ZFP91: variants seen among roughly 807,000 people sequenced by gnomAD.
ZFP91 encodes the protein ZFP91 zinc finger protein, atypical E3 ubiquitin ligase, also known as E3 ubiquitin-protein ligase ZFP91.
In ZFP91, 7 loss-of-function variants were observed where a neutral mutation model predicts 63.5. That is an observed-to-expected ratio of 0.11 (90% CI 0.06 to 0.21). The LOEUF (loss-of-function observed/expected upper bound fraction) is 0.21, where lower values mean the gene tolerates loss of function less well. Ranked by LOEUF, ZFP91 falls within the 10% of genes least tolerant of loss-of-function variation. The probability of loss-of-function intolerance (pLI) is 1.00; values close to 1 mark genes in which losing one functional copy is unlikely to be tolerated. For synonymous variants in ZFP91, 330 were observed against 272.1 expected, an observed-to-expected ratio of 1.21 and a Z score of -2.10; for missense variants, 628 against 736.6, an observed-to-expected ratio of 0.85 and a Z score of 1.71.
At chr11:58,588,126 A>G (rs980921928) in intron 2 of ZFP91, among the ~76,000 whole-genome samples, 2 of 152,152 alleles carry the variant, frequency 1.3e-5, no homozygotes, top group African/African-American at 2.4e-5. Flanking sequence ...CAGAAAACAT[A>G]CTTGGAAATA....
intron 2 of ZFP91, among the ~76,000 whole-genome samples, chr11:58,593,822 CA>C (rs1855349822): frequency 6.6e-6 from 1 of 152,158 alleles, no homozygotes; most frequent in African/African-American, 2.4e-5. Flanking sequence ...ATCATCAGTC[CA>C]ATTGTTCAAG....
intron 1 of ZFP91, among the ~76,000 whole-genome samples, chr11:58,580,591 C>A (rs1050202122): frequency 2.0e-5 from 3 of 152,168 alleles, no homozygotes; most frequent in Non-Finnish European, 2.9e-5. Flanking sequence ...TGTTCCCTTT[C>A]TTCCAGTAGA....
chr11:58,585,722 A>G (rs887811430), intron 2 of ZFP91, among the ~76,000 whole-genome samples: 5 of 152,198 alleles, frequency 3.3e-5, no homozygotes, highest in East Asian at 1.9e-4. Flanking sequence ...TGCATTTTAT[A>G]TATCAGTGTA....
chr11:58,598,789 T>C (rs1332987043), intron 2 of ZFP91, among the ~76,000 whole-genome samples: 1 of 150,080 alleles, frequency 6.7e-6, no homozygotes, highest in East Asian at 1.9e-4. Context: ...TGTGTGTGTT[T>C]TGAGGTGAAA....
chr11:58,579,063 GTGGCGCGC>G lies in ZFP91; in HGVS notation c.-218_-211del. ...TTTCCGATTGGCCCGCTGAGCGTCT[GTGGCGCGC>G]GCGCGCGCGCCGCCAGCGGTAGCGG... is the stretch of plus-strand genomic sequence containing the variant. On this transcript the variant is annotated 5_prime_UTR_variant, in exon 1 of 11. Coordinates refer to ENST00000316059, the MANE Select transcript of ZFP91 (RefSeq NM_053023.5). 1 of 362,538 alleles carries G rather than the reference GTGGCGCGC, an allele frequency of 2.8e-6. No individual in the cohort carries two copies. 22.5% of individuals were successfully genotyped at this position (362,538 alleles called of 1,614,324 possible).
Position 58,617,569 on chromosome 11 carries a change from G to A in ZFP91, c.1576G>A (p.Val526Met). The change falls in exon 11 of 11, where the codon GTG becomes ATG. Residue 526 changes from valine (V) to methionine (M), a missense_variant. Transcript: ENST00000316059. This position sits in a 1 kb window ranked among gnomAD's most constrained non-coding sequence, Gnocchi z 4.2. The stretch of plus-strand genomic sequence containing the variant: ...GTCATACTGCAGTGGGACGGAACGG[G>A]TGAGCCTGATGGCTGATGGGAAGAT... ...SKSYCSGTER[V>M]SLMADGKIFV... The A allele has an allele frequency of 6.2e-7, 1 of 1,612,374 alleles. No homozygotes were observed. Among genetic ancestry groups the A allele is most frequent in the Non-Finnish European group, 8.5e-7 (1 of 1,179,292 alleles).
Position 58,612,830 on chromosome 11 carries a change from G to A in ZFP91, c.977G>A (p.Arg326His), listed in dbSNP as rs1855688958. 6.2e-7 allele frequency: 1 copy of A among 1,611,732 alleles called. No homozygotes were observed. The highest frequency in any genetic ancestry group is 8.5e-7 in the Non-Finnish European group (1 of 1,178,984). The change falls in exon 8 of 11, where the codon CGC becomes CAC. Residue 326 changes from arginine (R) to histidine (H), a missense_variant. Coordinates refer to ENST00000316059, the MANE Select transcript of ZFP91 (RefSeq NM_053023.5). Reference protein sequence around the residue: ...EGCGTVLAHPRYLQHHIKYQH... With the variant: ...EGCGTVLAHPHYLQHHIKYQH... ...TGTGGAACTGTCCTTGCCCATCCTCGCTATTTGCAGGTCAGTGAAGTTGTT... is the reference window on the plus strand; with the variant it reads ...TGTGGAACTGTCCTTGCCCATCCTCACTATTTGCAGGTCAGTGAAGTTGTT...
At chr11:58,591,443 G>A (rs1855304328) in intron 2 of ZFP91, among the ~76,000 whole-genome samples, 1 of 151,780 alleles carries the variant, frequency 6.6e-6, no homozygotes. Context: ...TAGTGTTATT[G>A]GGATGTAATT....
intron 1 of ZFP91, among the ~76,000 whole-genome samples, 198 bp downstream of exon 1, chr11:58,579,820 C>T (rs1855071989): frequency 6.6e-6 from 1 of 152,126 alleles, no homozygotes; most frequent in African/African-American, 2.4e-5. Context: ...CCTGTACCTT[C>T]GCTTGTCGGG....
chr11:58,617,470 C>T lies in ZFP91; in HGVS notation c.1477C>T (p.Pro493Ser), dbSNP rs1221533060. Reference sequence around the variant, plus strand: ...GCAGCCTTCAGATGGTCAGGGTCTTCCTCTTCTTCCTGAGCCCTTGGGAAA... The same window carrying T: ...GCAGCCTTCAGATGGTCAGGGTCTTTCTCTTCTTCCTGAGCCCTTGGGAAA... ...LTQPSDGQGL[P>S]LLPEPLGNST... Residue 493 changes from proline (P) to serine (S), a missense_variant, in exon 11 of 11, where the codon CCT becomes TCT. Around this residue, in one of 3 missense-constraint regions of ZFP91, gnomAD observed 115 missense variants for 125.4 expected, o/e 0.92. Coordinates refer to ENST00000316059, the MANE Select transcript of ZFP91 (RefSeq NM_053023.5). The surrounding 1 kb of genome is among the most constrained non-coding windows in gnomAD (Gnocchi z 4.2). 1 of 1,614,156 alleles carries T rather than the reference C, an allele frequency of 6.2e-7. No homozygotes were observed.
In ZFP91 at chr11:58,579,461, TGCGGCCGCC is replaced by T. The variant is rs1408027075; in HGVS notation, c.183_191del (p.Ala65_Ala67del). 3.0e-5 allele frequency: 43 copies of T among 1,439,978 alleles called. No homozygotes were observed. The East Asian group carries it at 1.3e-3, about 43-fold the overall frequency. The allele number at this position is 1,439,978 out of a possible 1,614,324, so 89.2% of individuals were successfully genotyped here. A position where few individuals can be genotyped will look rare whatever the true frequency, so the allele number is the denominator to read the frequency against. On this transcript the variant is annotated inframe_deletion, in exon 1 of 11. Transcript: ENST00000316059. ...GAGGTCGGGACCGAGGCCGGGCCGC[TGCGGCCGCC>T]GCCGCCGCAGCTGTGTCCCGCCGGA...
At chr11:58,595,926 A>G (rs557241809) in intron 2 of ZFP91, among the ~76,000 whole-genome samples, 3 of 152,186 alleles carry the variant, frequency 2.0e-5, no homozygotes, top group South Asian at 4.2e-4. Flanking sequence ...CTCTTACTTC[A>G]TACCTTCTTT....
intron 2 of ZFP91, among the ~76,000 whole-genome samples, chr11:58,590,657 C>T (rs1855288713): frequency 6.6e-6 from 1 of 152,180 alleles, no homozygotes; most frequent in South Asian, 2.1e-4. Flanking sequence ...TTTAATTTTA[C>T]TCAGCAATGT....
chr11:58,610,004 G>A lies in ZFP91; in HGVS notation c.545G>A (p.Cys182Tyr). 1 of 1,614,184 alleles carries A rather than the reference G, an allele frequency of 6.2e-7. No individual in the cohort carries two copies. Among genetic ancestry groups the A allele is most frequent in the East Asian group, 2.2e-5 (1 of 44,878 alleles). The change falls in exon 3 of 11, where the codon TGC becomes TAC. Residue 182 changes from cysteine to tyrosine, a missense_variant. Around this residue, in one of 3 missense-constraint regions of ZFP91, gnomAD observed 437 missense variants for 380.3 expected, o/e 1.15. Transcript: ENST00000316059. ...AAGACCGGTTCATTGCAGCTCATTTGCAAGTCAGAACCAAATACAGACCAA... is the reference window on the plus strand; with the variant it reads ...AAGACCGGTTCATTGCAGCTCATTTACAAGTCAGAACCAAATACAGACCAA... ...RSKTGSLQLI[C>Y]KSEPNTDQLD...
chr11:58,617,373 A>G lies in ZFP91; in HGVS notation c.1380A>G (p.Glu460=), dbSNP rs1249209867. The change falls in exon 11 of 11, where the codon GAA becomes GAG. Residue 460 remains glutamate, a synonymous_variant. Coordinates refer to ENST00000316059, the MANE Select transcript of ZFP91 (RefSeq NM_053023.5). The surrounding 1 kb of genome is among the most constrained non-coding windows in gnomAD (Gnocchi z 4.2). The stretch of plus-strand genomic sequence containing the variant: ...GCCACCCTGAGGTGCTGATTGCAGA[A>G]GCTCTGGCTGCCAATGCAGGCGCCC... ...AKSHPEVLIA[E]ALAANAGALI... is the part of the protein sequence containing the mutation. The G allele has an allele frequency of 6.2e-7, 1 of 1,613,852 alleles. No homozygotes were observed. The highest frequency in any genetic ancestry group is 1.1e-5 in the South Asian group (1 of 91,026).
chr11:58,586,166 G>A (rs529854679), intron 2 of ZFP91, among the ~76,000 whole-genome samples: 1 of 152,248 alleles, frequency 6.6e-6, no homozygotes, highest in Non-Finnish European at 1.5e-5. Flanking sequence ...ATAGAGACAG[G>A]TAACAAGTCT....
At chr11:58,614,457 G>A (rs954272021) in intron 9 of ZFP91, 114 bp downstream of exon 9, 21 of 716,330 alleles carry the variant, frequency 2.9e-5, no homozygotes, top group East Asian at 9.1e-5. Context: ...AGTCAAGTGC[G>A]GGGAAAAGGT....
intron 2 of ZFP91, among the ~76,000 whole-genome samples, chr11:58,595,694 T>C (rs1331240798): frequency 6.6e-6 from 1 of 151,834 alleles, no homozygotes; most frequent in Non-Finnish European, 1.5e-5. Flanking sequence ...TCTCTTGTCT[T>C]GACCTCCTGA....
At chr11:58,599,452 C>T (rs1406038075) in intron 2 of ZFP91, among the ~76,000 whole-genome samples, 5 of 152,038 alleles carry the variant, frequency 3.3e-5, no homozygotes, top group African/African-American at 1.2e-4. Flanking sequence ...TACATGTCCA[C>T]CAGCAATAAA....
Sources: gnomAD v4.1 joint callset for allele counts (sites outside exome capture counted in the v4.1 genomes callset) on GRCh38, gnomAD v4.1.1 for gene constraint, gnomAD v4.1.1 regional missense constraint, Gnocchi (gnomAD v3.1) non-coding constraint, MANE v1.5 for transcripts, NCBI Gene and HGNC (gene_info 2026-07-23, HGNC 2026-07-21) for gene names.